The following CDC25C variants were observed in gnomAD, a reference collection of about 807,000 sequenced individuals.
CDC25C encodes the protein cell division cycle 25C.
Under a neutral mutation model 52.5 loss-of-function variants are expected in CDC25C, and 48 were observed. The ratio of observed to expected loss-of-function variants is 0.91; its 90% confidence interval spans 0.72 to 1.16. The LOEUF is 1.16. Ranked by LOEUF, CDC25C falls within the 50% of genes most tolerant of loss-of-function variation. CDC25C has a pLI of 0.00. For missense variants in CDC25C, 510 were observed against 566.1 expected, an observed-to-expected ratio of 0.90 and a Z score of 1.01; for synonymous variants, 187 against 206.5, an observed-to-expected ratio of 0.91 and a Z score of 0.81.
intron 2 of CDC25C, among the ~76,000 whole-genome samples, 186 bp from the exon 3 acceptor site, chr5:138,329,833 C>T (rs961541409): frequency 6.7e-6 from 1 of 148,702 alleles, no homozygotes; most frequent in African/African-American, 2.5e-5. Flanking sequence ...CGGGTTCAAG[C>T]GATTCTCCTG....
chr5:138,334,759 A>G (rs1760604132), upstream of CDC25C, among the ~76,000 whole-genome samples: 1 of 152,252 alleles, frequency 6.6e-6, no homozygotes, highest in Non-Finnish European at 1.5e-5. Context: ...CAACATACTT[A>G]GCTAATTACA....
At chr5:138,332,528 A>G (rs1341022432), upstream of CDC25C, among the ~76,000 whole-genome samples, 3 of 152,176 alleles carry the variant, frequency 2.0e-5, no homozygotes, top group Admixed American at 6.6e-5. Context: ...GAGGACCTCA[A>G]AGATTGGTTA....
At chr5:138,296,906 C>CTTT (rs1300029259) in intron 7 of CDC25C, among the ~76,000 whole-genome samples, 8 of 80,180 alleles carry the variant, frequency 1.0e-4, no homozygotes, top group South Asian at 4.7e-4. Context: ...CGCCCGGCCA[C>CTTT]TTTTTTTTTT....
rs369174089 is a variant in CDC25C, at chr5:138,338,082, C to T, written c.-114G>A. On this transcript the variant is annotated 5_prime_UTR_variant, in exon 1 of 6. Coordinates refer to the CDC25C transcript ENST00000510119. ...AACCACCCCCATCCCTAAATCAAAG[C>T]GCCAGGCTCGTTCCCAACAGCGCTG... 4.7e-6 allele frequency: 6 copies of T among 1,289,796 alleles called. No homozygotes were observed. The South Asian group carries it at 6.2e-5, about 13-fold the overall frequency. 79.9% of individuals were successfully genotyped at this position (1,289,796 alleles called of 1,614,324 possible). A position where few individuals can be genotyped will look rare whatever the true frequency, so the allele number is the denominator to read the frequency against.
At chr5:138,325,956 A>G in intron 5 of CDC25C, 52 bp from the exon 6 acceptor site, 1 of 1,610,994 alleles carries the variant, frequency 6.2e-7, no homozygotes, top group East Asian at 2.2e-5. Flanking sequence ...CCACAGGTGC[A>G]ATGGAAACCC....
chr5:138,288,235 C>T (rs1756418196), intron 10 of CDC25C, among the ~76,000 whole-genome samples: 1 of 152,066 alleles, frequency 6.6e-6, no homozygotes. Context: ...GCTACCACAC[C>T]CAGCTAATTT....
At chr5:138,302,814 C>T (rs1757732330) in intron 7 of CDC25C, among the ~76,000 whole-genome samples, 1 of 151,256 alleles carries the variant, frequency 6.6e-6, no homozygotes, top group African/African-American at 2.4e-5. Flanking sequence ...AATCCCAGCA[C>T]TTTGGGAGGC....
At chr5:138,292,334 T>TTAA (rs556114458) in intron 7 of CDC25C, among the ~76,000 whole-genome samples, 131 of 152,102 alleles carry the variant, frequency 8.6e-4, no homozygotes, top group African/African-American at 3.0e-3. Flanking sequence ...CATAGGCCCG[T>TTAA]TAATATCTTT....
chr5:138,329,611 A>C lies in CDC25C; in HGVS notation c.231T>G (p.Leu77=). The C allele has an allele frequency of 6.2e-7, 1 of 1,613,462 alleles. No homozygotes were observed. The highest frequency in any genetic ancestry group is 8.5e-7 in the Non-Finnish European group (1 of 1,179,472). Residue 77 remains leucine (L), a synonymous_variant, in exon 3 of 14, where the codon CTT becomes CTG. Transcript: ENST00000323760. ...GAGTGGCAGTTATCTCCCCACTGCT[A>C]AGATTCGAAAGATCGAGGCAACGTT... ...TPKRCLDLSN[L]SSGEITATQL... is the part of the protein sequence containing the mutation.
At chr5:138,291,101 C>A (rs1206537423) in intron 8 of CDC25C, among the ~76,000 whole-genome samples, 1 of 151,602 alleles carries the variant, frequency 6.6e-6, no homozygotes, top group Non-Finnish European at 1.5e-5. Context: ...TATAAAATAT[C>A]CAAAGATTTT....
At chr5:138,289,007 C>T (rs1756490488) in intron 10 of CDC25C, among the ~76,000 whole-genome samples, 1 of 152,044 alleles carries the variant, frequency 6.6e-6, no homozygotes, top group Non-Finnish European at 1.5e-5. Flanking sequence ...CTGTGTCGCC[C>T]AGGCTGGAGT....
intron 7 of CDC25C, among the ~76,000 whole-genome samples, chr5:138,296,232 A>G (rs1298956633): frequency 6.6e-6 from 1 of 151,466 alleles, no homozygotes; most frequent in African/African-American, 2.4e-5. Context: ...AGTTATTTTT[A>G]TTTATTTATT....
intron 7 of CDC25C, among the ~76,000 whole-genome samples, chr5:138,311,261 G>A (rs946063430): frequency 6.6e-6 from 1 of 152,058 alleles, no homozygotes. Context: ...ATGAATCAAA[G>A]ACCTAAACTT....
rs189151042 is a variant in CDC25C at position 138,294,779 on chromosome 5, C to T, written c.616-2663G>A. On this transcript the variant is annotated intron_variant, in intron 7 of 13. Transcript: ENST00000323760. ...TCGGCCCTCCAAAGTGCTGGGATTACAGGCATGAGCCACCGCGCCTGGCCC... is the reference window on the plus strand; with the variant it reads ...TCGGCCCTCCAAAGTGCTGGGATTATAGGCATGAGCCACCGCGCCTGGCCC... Among the ~76,000 whole-genome samples, 37 of 152,228 alleles carry T rather than the reference C, an allele frequency of 2.4e-4. No homozygotes were observed. The East Asian group carries it at 7.0e-3, about 29-fold the overall frequency.
intron 6 of CDC25C, among the ~76,000 whole-genome samples, 183 bp downstream of exon 6, chr5:138,325,632 T>A (rs1378635566): frequency 6.6e-6 from 1 of 152,146 alleles, no homozygotes; most frequent in African/African-American, 2.4e-5. Flanking sequence ...GAGCTGGGTG[T>A]CTGTCCTAGG....
rs938289638 is a variant in CDC25C, at chr5:138,331,736, G to C, written c.-180C>G. The C allele has an allele frequency of 4.7e-5, 46 of 989,066 alleles. No homozygotes were observed. Among genetic ancestry groups the C allele is most frequent in the Admixed American group, 5.9e-5 (1 of 17,036 alleles). The allele number at this position is 989,066 out of a possible 1,614,324, so 61.3% of individuals were successfully genotyped here. On this transcript the variant is annotated 5_prime_UTR_variant, in exon 1 of 14. Coordinates refer to ENST00000323760, the MANE Select transcript of CDC25C (RefSeq NM_001790.5). ...AGATTGCAGCTCTGCCTTCCGACTG[G>C]GTAGGCCAACGTCGGACTCAGAGTC... is the stretch of plus-strand genomic sequence containing the variant.
chr5:138,335,779 T>G (rs1479537899), upstream of CDC25C, among the ~76,000 whole-genome samples: 1 of 151,160 alleles, frequency 6.6e-6, no homozygotes, highest in African/African-American at 2.4e-5. Context: ...TTTTTTTTTT[T>G]GTTTTGTTTT....
rs1213177842 is a variant in CDC25C, at chr5:138,285,556, T to C, written c.*136A>G. On this transcript the variant is annotated 3_prime_UTR_variant, in exon 14 of 14. Transcript: ENST00000323760. ...AACCTAATCCATTCCCAGGCCTGGA[T>C]ACAAGTTGGTAGCCTGTTGGTTTGC... 2 of 800,864 alleles carry C rather than the reference T, an allele frequency of 2.5e-6. No homozygotes were observed. The highest frequency in any genetic ancestry group is 1.7e-5 in the African/African-American group (1 of 58,212). The allele number at this position is 800,864 out of a possible 1,614,324, so 49.6% of individuals were successfully genotyped here. A position where few individuals can be genotyped will look rare whatever the true frequency, so the allele number is the denominator to read the frequency against.
chr5:138,308,649 C>T (rs1200969293), intron 7 of CDC25C, among the ~76,000 whole-genome samples: 1 of 152,072 alleles, frequency 6.6e-6, no homozygotes, highest in Non-Finnish European at 1.5e-5. Flanking sequence ...TTAGGAAGGT[C>T]ACTGTCAATT....
Sources: gnomAD v4.1 joint callset for allele counts (sites outside exome capture counted in the v4.1 genomes callset) on GRCh38, gnomAD v4.1.1 for gene constraint, MANE v1.5 for transcripts, NCBI Gene and HGNC (gene_info 2026-07-23, HGNC 2026-07-21) for gene names.